Variants in HMCN1 observed in about 807,000 individuals in gnomAD.
HMCN1 encodes hemicentin 1.
Under a neutral mutation model 625.9 loss-of-function variants are expected in HMCN1, and 321 were observed. That is an observed-to-expected ratio of 0.51 (90% CI 0.47 to 0.56). The LOEUF (loss-of-function observed/expected upper bound fraction) is 0.56, where lower values mean the gene tolerates loss of function less well. Ranked by LOEUF, HMCN1 falls within the 20% of genes least tolerant of loss-of-function variation. The pLI, the probability that HMCN1 is intolerant of heterozygous loss-of-function variation, is 0.00. For missense variants in HMCN1, 6,588 were observed against 6,887.3 expected (o/e 0.96, Z 1.54); for synonymous variants, 2,425 against 2,417.6 (o/e 1.00, Z -0.09).
At chr1:186,122,530 C>A (rs932133633) in intron 80 of HMCN1, among the ~76,000 whole-genome samples, 9 of 152,094 alleles carry the variant, frequency 5.9e-5, no homozygotes, top group Admixed American at 5.9e-4. Context: ...GTATTCTAAG[C>A]TCTATGGAAA....
Position 185,909,351 on chromosome 1 carries a change from A to G in HMCN1, c.636A>G (p.Val212=). Residue 212 remains valine (V), a synonymous_variant, in exon 5 of 107, where the codon GTA becomes GTG. Transcript: ENST00000271588. The part of the protein sequence containing the change: ...KKQVNEVLKW[V]EEAVQASKVH... ...CTCTCTTATAGGTATTAAAATGGGT[A>G]GAAGAAGCAGTACAGGCCTCCAAAG... 4 of 1,611,620 alleles carry G rather than the reference A, an allele frequency of 2.5e-6. No individual in the cohort carries two copies. Among genetic ancestry groups the G allele is most frequent in the Middle Eastern group, 1.7e-4 (1 of 6,040 alleles).
At chr1:185,822,370 G>GA (rs1660246811) in intron 1 of HMCN1, among the ~76,000 whole-genome samples, 1 of 151,848 alleles carries the variant, frequency 6.6e-6, no homozygotes, top group African/African-American at 2.4e-5. Context: ...AAACTTCTCT[G>GA]AAAAAACAGT....
chr1:186,152,569 T>C (rs1232405714), intron 95 of HMCN1, among the ~76,000 whole-genome samples, 181 bp from the exon 96 acceptor site: 1 of 152,254 alleles, frequency 6.6e-6, no homozygotes, highest in African/African-American at 2.4e-5. Flanking sequence ...TAAAAGAAAC[T>C]GAATTCAATA....
chr1:186,000,081 G>T lies in HMCN1; in HGVS notation c.3911G>T (p.Gly1304Val). The T allele has an allele frequency of 6.2e-7, 1 of 1,612,988 alleles. No individual in the cohort carries two copies. Among genetic ancestry groups the T allele is most frequent in the African/African-American group, 1.3e-5 (1 of 74,952 alleles). Residue 1304 changes from glycine (G) to valine (V), a missense_variant, in exon 26 of 107, where the codon GGT (glycine) becomes GTT (valine). Physicochemically the swap from Gly to Val is moderately radical, Grantham distance 109 (BLOSUM62 -3). This residue lies in a region of HMCN1 where 4,628 missense variants were observed against 4,853.1 expected (regional missense o/e 0.95). Transcript: ENST00000271588. ...PKPTIKWLHN[G>V]RELTGREPGI... ...CCAACCATCAAATGGTTACACAATG[G>T]TAGAGAGTTGACAGGCAGAGAGCCT... is the stretch of plus-strand genomic sequence containing the variant.
At chr1:185,901,014 G>T (rs1279595090) in intron 4 of HMCN1, among the ~76,000 whole-genome samples, 1 of 151,876 alleles carries the variant, frequency 6.6e-6, no homozygotes, top group Non-Finnish European at 1.5e-5. Context: ...AAGTGAGGGA[G>T]CCTCAACCAG....
intron 1 of HMCN1, among the ~76,000 whole-genome samples, chr1:185,786,862 A>G (rs1657610095): frequency 6.6e-6 from 1 of 152,158 alleles, no homozygotes; most frequent in Admixed American, 6.5e-5. Flanking sequence ...TGTCACCCCA[A>G]TGCTACGTTT....
At chr1:185,946,255 A>G (rs1668338347) in intron 11 of HMCN1, among the ~76,000 whole-genome samples, 1 of 152,158 alleles carries the variant, frequency 6.6e-6, no homozygotes, top group Non-Finnish European at 1.5e-5. Context: ...CTTTCCTTCA[A>G]GAAGTGCTGT....
chr1:185,855,501 A>G (rs976958486), intron 2 of HMCN1, among the ~76,000 whole-genome samples: 18 of 152,082 alleles, frequency 1.2e-4, no homozygotes, highest in African/African-American at 4.3e-4. Context: ...AACTCATGTG[A>G]ATTATGAAAC....
intron 104 of HMCN1, 22 bp from the exon 105 acceptor site, chr1:186,182,144 ACT>A (rs767938036): frequency 3.5e-5 from 57 of 1,612,352 alleles, no homozygotes; most frequent in Middle Eastern, 1.7e-4. Flanking sequence ...TGTAGTGATA[ACT>A]CTCTGTCTTC....
In HMCN1 at chr1:185,734,603, AGG is replaced by A; in HGVS notation, c.-175_-174del. 1 of 653,236 alleles carries A rather than the reference AGG, an allele frequency of 1.5e-6. No individual in the cohort carries two copies. The highest frequency in any genetic ancestry group is 4.2e-4 in the Middle Eastern group (1 of 2,392). The allele number at this position is 653,236 out of a possible 1,614,324, so 40.5% of individuals were successfully genotyped here. The stretch of plus-strand genomic sequence containing the variant: ...CATCCCTGCCCTGCCCAACCCCTGG[AGG>A]GATTCGAGTTTGGTGCTTGTCCCCG... On this transcript the variant is annotated 5_prime_UTR_variant, in exon 1 of 107. Transcript: ENST00000271588.
chr1:185,984,151 C>T lies in HMCN1; in HGVS notation c.2791-18C>T, dbSNP rs762845220. 1 of 1,586,078 alleles carries T rather than the reference C, an allele frequency of 6.3e-7. No individual in the cohort carries two copies. The highest frequency in any genetic ancestry group is 8.6e-7 in the Non-Finnish European group (1 of 1,158,254). On this transcript the variant is annotated intron_variant, in intron 18 of 106. Transcript: ENST00000271588. ...TCCTTTCTTTTTAAATAAAAATTACCTTTTTTTTTCCTTTAAGTTGCTCCA... is the reference window on the plus strand; with the variant it reads ...TCCTTTCTTTTTAAATAAAAATTACTTTTTTTTTTCCTTTAAGTTGCTCCA...
chr1:185,789,577 T>G (rs1231275912), intron 1 of HMCN1, among the ~76,000 whole-genome samples: 1 of 152,232 alleles, frequency 6.6e-6, no homozygotes, highest in Non-Finnish European at 1.5e-5. Flanking sequence ...AAATTTTATC[T>G]AAATTATGCC....
chr1:186,049,012 A>G (rs779278199), intron 42 of HMCN1, among the ~76,000 whole-genome samples, 173 bp downstream of exon 42: 7 of 152,064 alleles, frequency 4.6e-5, no homozygotes, highest in Non-Finnish European at 1.0e-4. Context: ...CTACTTCGAG[A>G]GTAACTCTAG....
At chr1:185,964,430 T>C (rs1650250606) in intron 13 of HMCN1, among the ~76,000 whole-genome samples, 1 of 152,140 alleles carries the variant, frequency 6.6e-6, no homozygotes, top group Non-Finnish European at 1.5e-5. Context: ...AGGTTATAAA[T>C]CGTGAATAAT....
intron 102 of HMCN1, among the ~76,000 whole-genome samples, chr1:186,173,246 T>C (rs1422335150): frequency 3.9e-5 from 6 of 152,166 alleles, no homozygotes; most frequent in Non-Finnish European, 1.5e-5. Context: ...GAGATAGATA[T>C]AGATGAAGGA....
chr1:186,114,194 C>A, intron 73 of HMCN1, 71 bp downstream of exon 73: 1 of 1,517,610 alleles, frequency 6.6e-7, no homozygotes, highest in Non-Finnish European at 9.1e-7. Context: ...TTTCCTAGTG[C>A]ACTATTTTGG....
At position 185,908,246 on chromosome 1, in the gene HMCN1, T is replaced by C. The variant is rs532075328; in HGVS notation, c.622-1091T>C. ...GAAAGAAACAGAAAAAAAAAAGGGA[T>C]ACTTTTCACAGAAAATAAAAATGTT... On this transcript the variant is annotated intron_variant, in intron 4 of 106. Coordinates refer to ENST00000271588, the MANE Select transcript of HMCN1 (RefSeq NM_031935.3). 3.9e-4 allele frequency among the ~76,000 whole-genome samples: 59 copies of C among 152,056 alleles called. 2 individuals are homozygous for C. The South Asian group carries it at 0.012, about 30-fold the overall frequency.
intron 1 of HMCN1, among the ~76,000 whole-genome samples, chr1:185,827,940 G>A (rs773011058): frequency 2.6e-5 from 4 of 152,124 alleles, no homozygotes; most frequent in Non-Finnish European, 5.9e-5. Flanking sequence ...AGAAAATAAT[G>A]GAGCAAAATC....
At chr1:186,086,473 T>C in intron 58 of HMCN1, 66 bp downstream of exon 58, 1 of 1,496,552 alleles carries the variant, frequency 6.7e-7, no homozygotes, top group South Asian at 1.1e-5. Flanking sequence ...AAACAGCATT[T>C]CAAATTAGTG....
Sources: allele counts gnomAD v4.1 joint callset (sites outside exome capture counted in the v4.1 genomes callset), GRCh38; gene constraint gnomAD v4.1.1; regional missense constraint gnomAD v4.1.1; transcripts MANE v1.5; gene names NCBI Gene and HGNC (gene_info 2026-07-23, HGNC 2026-07-21).